Variants in TBC1D1 observed in about 807,000 individuals in gnomAD.
TBC1D1 encodes TBC1 (tre-2/USP6, BUB2, cdc16) domain family, member 1.
Under a neutral mutation model 125.6 loss-of-function variants are expected in TBC1D1, and 89 were observed. That is an observed-to-expected ratio of 0.71 (90% CI 0.60 to 0.85). The LOEUF (loss-of-function observed/expected upper bound fraction) is 0.85. Among genes scored for constraint, TBC1D1 ranks in the 40% least tolerant of loss-of-function variants. The probability of loss-of-function intolerance (pLI) is 0.00; values close to 1 mark genes in which losing one functional copy is unlikely to be tolerated. For missense variants in TBC1D1, 1,377 were observed against 1,469.2 expected, an observed-to-expected ratio of 0.94 and a Z score of 1.03; for synonymous variants, 565 against 564.1, an observed-to-expected ratio of 1.00 and a Z score of -0.02.
intron 2 of TBC1D1, among the ~76,000 whole-genome samples, chr4:37,926,159 C>T (rs1463723265): frequency 6.6e-6 from 1 of 152,222 alleles, no homozygotes; most frequent in Non-Finnish European, 1.5e-5. Flanking sequence ...AGAAAGTATA[C>T]AGGAAGACCT....
At chr4:38,097,090 A>C (rs1759477429) in intron 14 of TBC1D1, among the ~76,000 whole-genome samples, 1 of 152,202 alleles carries the variant, frequency 6.6e-6, no homozygotes, top group Non-Finnish European at 1.5e-5. Context: ...GGTGTTCTGA[A>C]TAAGGGTTTC....
At chr4:38,123,041 A>G (rs1764109081) in intron 17 of TBC1D1, among the ~76,000 whole-genome samples, 1 of 152,244 alleles carries the variant, frequency 6.6e-6, no homozygotes, top group South Asian at 2.1e-4. Flanking sequence ...TAACCTAAAG[A>G]GACCACTGAT....
rs145825093 is a variant in TBC1D1 at position 38,050,048 on chromosome 4, G to A, written c.1910+150G>A. On this transcript the variant is annotated intron_variant, in intron 11 of 19. Transcript: ENST00000261439. ...TAAAACTGGAAGCAGTGACATGTTCGTTCGAGCTGCTTGTGAGTATACAAG... is the reference window on the plus strand; with the variant it reads ...TAAAACTGGAAGCAGTGACATGTTCATTCGAGCTGCTTGTGAGTATACAAG... 8 of 897,132 alleles carry A rather than the reference G, an allele frequency of 8.9e-6. No homozygotes were observed. The East Asian group carries it at 1.0e-4, about 12-fold the overall frequency. The allele number at this position is 897,132 out of a possible 1,614,324, so 55.6% of individuals were successfully genotyped here.
chr4:37,900,014 G>T (rs984096821), intron 1 of TBC1D1, among the ~76,000 whole-genome samples: 1 of 152,098 alleles, frequency 6.6e-6, no homozygotes, highest in Non-Finnish European at 1.5e-5. Context: ...CCAGCTACTC[G>T]GGAGGCTGAC....
chr4:37,930,948 C>T (rs1236053680), intron 2 of TBC1D1, among the ~76,000 whole-genome samples: 2 of 152,168 alleles, frequency 1.3e-5, no homozygotes, highest in African/African-American at 4.8e-5. Flanking sequence ...GTAATGTCCT[C>T]TCCCATTCAT....
At chr4:37,947,587 A>G (rs1726973591) in intron 2 of TBC1D1, among the ~76,000 whole-genome samples, 2 of 152,158 alleles carry the variant, frequency 1.3e-5, no homozygotes, top group Non-Finnish European at 2.9e-5. Context: ...CAACCTCCCC[A>G]GGTTACACCA....
intron 6 of TBC1D1, among the ~76,000 whole-genome samples, chr4:38,026,397 A>G (rs552587441): frequency 3.3e-5 from 5 of 152,298 alleles, no homozygotes; most frequent in African/African-American, 1.2e-4. Context: ...CTGGCCTTTC[A>G]CAAGTCACCT....
chr4:37,959,917 G>C (rs1234599058), intron 2 of TBC1D1, among the ~76,000 whole-genome samples: 4 of 152,174 alleles, frequency 2.6e-5, no homozygotes, highest in Non-Finnish European at 4.4e-5. Flanking sequence ...GTTGGCAAAA[G>C]GGATAACTCG....
At chr4:38,089,166 G>T (rs1156492046) in intron 12 of TBC1D1, among the ~76,000 whole-genome samples, 2 of 152,168 alleles carry the variant, frequency 1.3e-5, no homozygotes, top group Non-Finnish European at 2.9e-5. Context: ...GTATGCCGGT[G>T]TACCTCCTTA....
At chr4:38,044,324 G>C in intron 8 of TBC1D1, 38 bp from the exon 9 acceptor site, 7 of 1,577,644 alleles carry the variant, frequency 4.4e-6, no homozygotes, top group Non-Finnish European at 6.0e-6. Context: ...AAGCAGAGAA[G>C]GGAGCGATAA....
At chr4:38,111,119 T>G (rs1762130489) in intron 15 of TBC1D1, among the ~76,000 whole-genome samples, 1 of 152,216 alleles carries the variant, frequency 6.6e-6, no homozygotes, top group Admixed American at 6.5e-5. Context: ...CAGCACTAGC[T>G]TAGTACCTCC....
rs766116683 is a variant in TBC1D1, at chr4:38,014,856, C to G, written c.765C>G (p.Leu255=). The G allele has an allele frequency of 2.5e-6, 4 of 1,611,856 alleles. No individual in the cohort carries two copies. The highest frequency in any genetic ancestry group is 2.7e-5 in the African/African-American group (2 of 75,014). Reference sequence around the variant, plus strand: ...GGAAGGAGCTGCAGGATGGGGGCCTCCGAAGCAGCGGCTTCTTCAGCTCCT... The same window carrying G: ...GGAAGGAGCTGCAGGATGGGGGCCTGCGAAGCAGCGGCTTCTTCAGCTCCT... Residue 255 remains leucine, a synonymous_variant, in exon 3 of 20, where the codon CTC becomes CTG. Transcript: ENST00000261439. This position sits in a 1 kb window ranked among gnomAD's most constrained non-coding sequence, Gnocchi z 5.1.
Position 38,024,854 on chromosome 4 carries a change from A to G in TBC1D1, c.1211-2934A>G, listed in dbSNP as rs551211439. On this transcript the variant is annotated intron_variant, in intron 6 of 19. Coordinates refer to ENST00000261439, the MANE Select transcript of TBC1D1 (RefSeq NM_015173.4). ...GAGAGGATTAGTGATGTGGCCACAC[A>G]AAGAAAGACTTAAAAGACTATGTTT... is the stretch of plus-strand genomic sequence containing the variant. Among the ~76,000 whole-genome samples, 3 of 152,334 alleles carry G rather than the reference A, an allele frequency of 2.0e-5. No individual in the cohort carries two copies. The South Asian group carries it at 6.2e-4, about 32-fold the overall frequency.
At chr4:38,065,773 G>A (rs1333358284) in intron 12 of TBC1D1, among the ~76,000 whole-genome samples, 1 of 150,788 alleles carries the variant, frequency 6.6e-6, no homozygotes, top group Non-Finnish European at 1.5e-5. Flanking sequence ...ACCCTCCTTA[G>A]TAGCTGGGAT....
At chr4:38,099,225 A>G (rs1560786836) in intron 14 of TBC1D1, among the ~76,000 whole-genome samples, 1 of 152,250 alleles carries the variant, frequency 6.6e-6, no homozygotes, top group African/African-American at 2.4e-5. Flanking sequence ...AACAAAACAA[A>G]AAACCCAACA....
rs993529594 is a variant in TBC1D1, at chr4:38,090,014, G to A, written c.2133G>A (p.Glu711=). 6.2e-7 allele frequency: 1 copy of A among 1,614,062 alleles called. No individual in the cohort carries two copies. Among genetic ancestry groups the A allele is most frequent in the African/African-American group, 1.3e-5 (1 of 75,032 alleles). The change falls in exon 13 of 20, where the codon GAG becomes GAA. Residue 711 remains glutamate (E), a synonymous_variant. Coordinates refer to ENST00000261439, the MANE Select transcript of TBC1D1 (RefSeq NM_015173.4). Reference sequence around the variant, plus strand: ...ATGGGCCCTTTGGCCCCCCACCAGAGGAAAAGAAAAGGACATCTCGTGAGC... The same window carrying A: ...ATGGGCCCTTTGGCCCCCCACCAGAAGAAAAGAAAAGGACATCTCGTGAGC...
At chr4:38,043,827 ATAGGTTC>A (rs1275097773) in intron 8 of TBC1D1, among the ~76,000 whole-genome samples, 12 of 152,300 alleles carry the variant, frequency 7.9e-5, no homozygotes, top group Middle Eastern at 3.4e-3. Flanking sequence ...GGCAGAGAGA[ATAGGTTC>A]TTTAATTGAG....
At chr4:38,002,702 G>A (rs1162849794) in intron 2 of TBC1D1, among the ~76,000 whole-genome samples, 1 of 152,162 alleles carries the variant, frequency 6.6e-6, no homozygotes, top group Non-Finnish European at 1.5e-5. Flanking sequence ...TTATTTAGGT[G>A]TTTTGTGCTC....
chr4:38,084,565 T>C (rs994661012), intron 12 of TBC1D1, among the ~76,000 whole-genome samples: 1 of 152,356 alleles, frequency 6.6e-6, no homozygotes, highest in Admixed American at 6.5e-5. Context: ...TTTGTTTTTT[T>C]CTAAGAAATT....
Sources: gnomAD v4.1 joint callset for allele counts (sites outside exome capture counted in the v4.1 genomes callset) on GRCh38, gnomAD v4.1.1 for gene constraint, Gnocchi (gnomAD v3.1) non-coding constraint, MANE v1.5 for transcripts, NCBI Gene and HGNC (gene_info 2026-07-23, HGNC 2026-07-21) for gene names.